Variants in ABCG2 observed in about 807,000 individuals in gnomAD.
ABCG2 encodes the protein ATP binding cassette subfamily G member 2 (JR blood group).
Under a neutral mutation model 73.5 loss-of-function variants are expected in ABCG2, and 80 were observed. The ratio of observed to expected loss-of-function variants is 1.09; its 90% CI spans 0.91 to 1.31. ABCG2 has a LOEUF of 1.31. Among genes scored for constraint, ABCG2 ranks in the 50% most tolerant of loss-of-function variants. ABCG2 has a pLI of 0.00. For missense variants in ABCG2, 796 were observed against 786.2 expected (o/e 1.01, Z -0.15); for synonymous variants, 269 against 282.4 (o/e 0.95, Z 0.48).
At chr4:88,141,526 G>C (rs1725641996) in intron 1 of ABCG2, among the ~76,000 whole-genome samples, 1 of 152,172 alleles carries the variant, frequency 6.6e-6, no homozygotes, top group Admixed American at 6.5e-5. Context: ...CCTGGAAAGA[G>C]ATCCCAAAAG....
At chr4:88,114,878 A>G in intron 8 of ABCG2, 79 bp downstream of exon 8, 3 of 920,760 alleles carry the variant, frequency 3.3e-6, no homozygotes, top group Non-Finnish European at 5.0e-6. Flanking sequence ...ACAAAGCCAC[A>G]TTTTAATTAG....
At chr4:88,209,834 C>T (rs893954363) in intron 1 of ABCG2, among the ~76,000 whole-genome samples, 2 of 152,198 alleles carry the variant, frequency 1.3e-5, no homozygotes, top group African/African-American at 2.4e-5. Flanking sequence ...ATTCAAGCTA[C>T]GTGGTAGTAG....
chr4:88,176,271 A>G (rs1216393109), intron 1 of ABCG2, among the ~76,000 whole-genome samples: 2 of 151,804 alleles, frequency 1.3e-5, no homozygotes, highest in Non-Finnish European at 2.9e-5. Flanking sequence ...CTGGGATTAC[A>G]GGTGTGAGCC....
At chr4:88,174,405 G>A (rs1457044460) in intron 1 of ABCG2, among the ~76,000 whole-genome samples, 1 of 152,134 alleles carries the variant, frequency 6.6e-6, no homozygotes, top group African/African-American at 2.4e-5. Flanking sequence ...TCACCTATGA[G>A]TGAAAACATG....
At chr4:88,157,275 G>A (rs1727011935) in intron 1 of ABCG2, among the ~76,000 whole-genome samples, 1 of 152,164 alleles carries the variant, frequency 6.6e-6, no homozygotes, top group Non-Finnish European at 1.5e-5. Flanking sequence ...CTTCACTAGT[G>A]TCAAGGTCCA....
In ABCG2 at chr4:88,158,615, A is replaced by G. The variant is rs1259000963; in HGVS notation, c.-249T>C. ...AGGCTGCCTCCTTGCCGCGTCTCTC[A>G]ATCTCAGTGGGAGTGGCGGGCACTG... is the stretch of plus-strand genomic sequence containing the variant. On this transcript the variant is annotated 5_prime_UTR_variant, in exon 1 of 16. Coordinates refer to ENST00000237612, the MANE Select transcript of ABCG2 (RefSeq NM_004827.3). 4.4e-6 allele frequency: 2 copies of G among 456,270 alleles called. No individual in the cohort carries two copies. Among genetic ancestry groups the G allele is most frequent in the Admixed American group, 2.3e-5 (1 of 42,582 alleles). The allele number at this position is 456,270 out of a possible 1,614,324, so 28.3% of individuals were successfully genotyped here.
intron 1 of ABCG2, among the ~76,000 whole-genome samples, chr4:88,199,988 G>A (rs1729095561): frequency 6.6e-6 from 1 of 152,018 alleles, no homozygotes; most frequent in African/African-American, 2.4e-5. Flanking sequence ...GCGACAGAGC[G>A]AGACTCCGTC....
At chr4:88,231,041 T>C (rs1185013785) in exon 1 of ABCG2, 1 of 152,240 alleles carries the variant, frequency 6.6e-6, no homozygotes, top group Non-Finnish European at 1.5e-5. Flanking sequence ...CAAATCTCAG[T>C]GCAGAGACAG....
At chr4:88,196,858 A>T (rs969283311) in intron 1 of ABCG2, among the ~76,000 whole-genome samples, 1 of 152,006 alleles carries the variant, frequency 6.6e-6, no homozygotes, top group African/African-American at 2.4e-5. Context: ...ATACACCAGA[A>T]CATTCTGTTC....
Position 88,130,765 on chromosome 4 carries a change from C to T in ABCG2, c.531+296G>A, listed in dbSNP as rs4693925. 2.2e-4 allele frequency among the ~76,000 whole-genome samples: 33 copies of T among 152,204 alleles called. 1 individual carries two copies. Among genetic ancestry groups the T allele is most frequent in the Admixed American group, 2.0e-3 (30 of 15,264 alleles). On this transcript the variant is annotated intron_variant, in intron 5 of 15. Transcript: ENST00000237612. ...AAGTTAGTGCAGACACGGAATGAGA[C>T]GTGACTTAAACCATGAGGTGGGGGA...
At chr4:88,174,204 G>A (rs1405968586) in intron 1 of ABCG2, among the ~76,000 whole-genome samples, 1 of 151,302 alleles carries the variant, frequency 6.6e-6, no homozygotes, top group Non-Finnish European at 1.5e-5. Context: ...TGCAGAATGT[G>A]CAGGTTTGTT....
chr4:88,215,419 G>A (rs549483007), intron 1 of ABCG2, among the ~76,000 whole-genome samples: 19 of 152,168 alleles, frequency 1.2e-4, no homozygotes, highest in Non-Finnish European at 2.1e-4. Flanking sequence ...AATAGGACTC[G>A]GTCCATTATG....
chr4:88,100,506 CAA>C (rs565550337), intron 11 of ABCG2, among the ~76,000 whole-genome samples: 53 of 103,036 alleles, frequency 5.1e-4, no homozygotes, highest in Non-Finnish European at 5.0e-4. Context: ...GACTCTATGT[CAA>C]AAAAAAAAAA....
At chr4:88,215,116 T>A (rs1729763437) in intron 1 of ABCG2, among the ~76,000 whole-genome samples, 3 of 151,840 alleles carry the variant, frequency 2.0e-5, no homozygotes, top group Admixed American at 2.0e-4. Context: ...AAAAAGAGAG[T>A]TGCATGACTT....
At chr4:88,147,306 C>A (rs1726126969) in intron 1 of ABCG2, among the ~76,000 whole-genome samples, 1 of 151,996 alleles carries the variant, frequency 6.6e-6, no homozygotes, top group African/African-American at 2.4e-5. Flanking sequence ...AAAAAACGTA[C>A]CTAAACTCTC....
At position 88,099,457 on chromosome 4, in the gene ABCG2, C is replaced by CAA. The variant is rs2110183594; in HGVS notation, c.1368-11_1368-10dup. 1 of 1,591,824 alleles carries CAA rather than the reference C, an allele frequency of 6.3e-7. No homozygotes were observed. The highest frequency in any genetic ancestry group is 8.5e-7 in the Non-Finnish European group (1 of 1,171,880). Reference sequence around the variant, plus strand: ...CGCTGATGTATTCATGTCTATAGAACAAAAATACGTATCATACATCCAAGA... The same window carrying CAA: ...CGCTGATGTATTCATGTCTATAGAACAAAAAAATACGTATCATACATCCAAGA... On this transcript the variant is annotated splice_polypyrimidine_tract_variant and intron_variant, in intron 11 of 15. Coordinates refer to ENST00000237612, the MANE Select transcript of ABCG2 (RefSeq NM_004827.3).
chr4:88,217,609 C>A (rs62309287), intron 1 of ABCG2, among the ~76,000 whole-genome samples: 43,014 of 151,528 alleles, frequency 0.28, 6,634 homozygotes, highest in Middle Eastern at 0.4. Flanking sequence ...TTGCAGTGAG[C>A]CAAGATCACG....
intron 5 of ABCG2, among the ~76,000 whole-genome samples, chr4:88,124,661 G>T (rs2110027761): frequency 6.6e-6 from 1 of 152,254 alleles, no homozygotes; most frequent in South Asian, 2.1e-4. Flanking sequence ...GACTCATAAA[G>T]CAAGTCCTTA....
At chr4:88,124,733 C>T (rs1330163860) in intron 5 of ABCG2, among the ~76,000 whole-genome samples, 1 of 152,170 alleles carries the variant, frequency 6.6e-6, no homozygotes, top group Non-Finnish European at 1.5e-5. Flanking sequence ...TAACACCCCA[C>T]TGTCAATATT....
Sources: gnomAD v4.1 joint callset for allele counts (sites outside exome capture counted in the v4.1 genomes callset) on GRCh38, gnomAD v4.1.1 for gene constraint, MANE v1.5 for transcripts, NCBI Gene and HGNC (gene_info 2026-07-23, HGNC 2026-07-21) for gene names.